The following ERBIN variants were observed in gnomAD, a reference collection of about 807,000 sequenced individuals.
ERBIN encodes densin-180-like protein.
In ERBIN, 60 loss-of-function variants were observed where a neutral mutation model predicts 158.4. The observed-to-expected ratio is 0.38, with a 90% CI of 0.31 to 0.47. ERBIN has a LOEUF of 0.47. ERBIN is among the 20% of genes least tolerant of loss of function. The pLI is 0.99. For synonymous variants in ERBIN, 594 were observed against 557.2 expected, an observed-to-expected ratio of 1.07 and a Z score of -0.93; for missense variants, 1,610 against 1,648.0, an observed-to-expected ratio of 0.98 and a Z score of 0.40.
chr5:65,997,138 C>T (rs1752525608), intron 4 of ERBIN, among the ~76,000 whole-genome samples: 1 of 152,084 alleles, frequency 6.6e-6, no homozygotes, highest in South Asian at 2.1e-4. Context: ...GACTTAAGTA[C>T]AACGTTGAAA....
In ERBIN at chr5:65,942,328, T is replaced by G. The variant is rs564340783; in HGVS notation, c.-58+15522T>G. On this transcript the variant is annotated intron_variant, in intron 1 of 25. Transcript: ENST00000284037. ...CTTATTATACCAGCATTTTCCTAGG[T>G]ATGTTCTGAAGAATACAGTTTCTTT... is the stretch of plus-strand genomic sequence containing the variant. Among the ~76,000 whole-genome samples the G allele has an allele frequency of 5.9e-5, 9 of 152,292 alleles. No homozygotes were observed. In the South Asian group the frequency reaches 1.7e-3, roughly 28 times the overall value.
chr5:65,943,716 ATATCT>A (rs900671771), intron 1 of ERBIN, among the ~76,000 whole-genome samples: 4 of 152,192 alleles, frequency 2.6e-5, no homozygotes, highest in African/African-American at 9.7e-5. Context: ...TACAAATAAA[ATATCT>A]TAACCATTTT....
intron 17 of ERBIN, among the ~76,000 whole-genome samples, chr5:66,045,357 A>G (rs904284080): frequency 2.0e-5 from 3 of 152,172 alleles, no homozygotes; most frequent in African/African-American, 7.2e-5. Flanking sequence ...TGTTCAGTAC[A>G]GTAACATGTT....
intron 1 of ERBIN, among the ~76,000 whole-genome samples, chr5:65,942,006 C>T (rs1413113609): frequency 6.6e-6 from 1 of 152,198 alleles, no homozygotes; most frequent in East Asian, 1.9e-4. Flanking sequence ...TTCCAAAGTG[C>T]TGGGATTACA....
intron 23 of ERBIN, 153 bp from the exon 24 acceptor site, chr5:66,076,163 T>C: frequency 4.9e-6 from 3 of 614,126 alleles, no homozygotes; most frequent in Non-Finnish European, 8.5e-6. Flanking sequence ...TATTCTATGT[T>C]GTATTTCACT....
rs188616893 is a variant in ERBIN at position 66,025,128 on chromosome 5, A to T, written c.818-352A>T. ...ACTACCTTCATACTACCATTTCTTT[A>T]GTCTATTAATTTAACAAGTTTGTAT... On this transcript the variant is annotated intron_variant, in intron 10 of 25. Transcript: ENST00000284037. Among the ~76,000 whole-genome samples, 414 of 152,160 alleles carry T rather than the reference A, an allele frequency of 2.7e-3. 3 individuals are homozygous for T. Among genetic ancestry groups the T allele is most frequent in the African/African-American group, 9.8e-3 (406 of 41,550 alleles).
chr5:66,063,208 G>A (rs1760622057), intron 21 of ERBIN, among the ~76,000 whole-genome samples: 2 of 152,236 alleles, frequency 1.3e-5, no homozygotes, highest in South Asian at 4.1e-4. Flanking sequence ...CTTCCCAGCT[G>A]CTTTGGTTAC....
chr5:66,062,057 G>T (rs1197083193), intron 21 of ERBIN, among the ~76,000 whole-genome samples: 1 of 151,892 alleles, frequency 6.6e-6, no homozygotes, highest in Admixed American at 6.6e-5. Flanking sequence ...TCTTTGTGGC[G>T]TTCTCTGTAT....
chr5:66,068,882 G>A, intron 21 of ERBIN: 1 of 1,532,020 alleles, frequency 6.5e-7, no homozygotes, highest in Non-Finnish European at 8.7e-7. Flanking sequence ...TTCAGAGCAT[G>A]CTGTCAAGGT....
At chr5:66,043,265 T>C in intron 16 of ERBIN, 67 bp downstream of exon 16, 1 of 1,471,850 alleles carries the variant, frequency 6.8e-7, no homozygotes, top group Non-Finnish European at 9.4e-7. Flanking sequence ...GTATTATATA[T>C]ACTATGATGT....
chr5:66,034,308 A>G (rs1477770575), intron 14 of ERBIN, among the ~76,000 whole-genome samples: 1 of 150,096 alleles, frequency 6.7e-6, no homozygotes, highest in African/African-American at 2.5e-5. Flanking sequence ...TTTTTTTTTT[A>G]AGACAGAGTC....
intron 2 of ERBIN, among the ~76,000 whole-genome samples, chr5:65,990,289 A>C (rs1490115714): frequency 6.6e-6 from 1 of 152,242 alleles, no homozygotes; most frequent in African/African-American, 2.4e-5. Flanking sequence ...ATAACAGCAC[A>C]TATCTTAGAA....
At chr5:65,970,607 A>G (rs1749142101) in intron 1 of ERBIN, among the ~76,000 whole-genome samples, 1 of 152,102 alleles carries the variant, frequency 6.6e-6, no homozygotes, top group Non-Finnish European at 1.5e-5. Flanking sequence ...ATTCTTTTTA[A>G]GACGTGCTCT....
intron 4 of ERBIN, among the ~76,000 whole-genome samples, chr5:66,001,392 C>G (rs1027722317): frequency 2.0e-5 from 3 of 152,062 alleles, no homozygotes; most frequent in African/African-American, 7.2e-5. Flanking sequence ...TATCATCAAG[C>G]TGTATTTCTT....
chr5:65,987,395 C>T (rs191287707), intron 1 of ERBIN, among the ~76,000 whole-genome samples: 3 of 151,282 alleles, frequency 2.0e-5, no homozygotes, highest in East Asian at 3.9e-4. Context: ...CACACACACA[C>T]GAAAAAAGAA....
At chr5:66,067,789 A>C (rs1761146134) in intron 21 of ERBIN, among the ~76,000 whole-genome samples, 1 of 152,132 alleles carries the variant, frequency 6.6e-6, no homozygotes, top group African/African-American at 2.4e-5. Flanking sequence ...AAGCCTGGGC[A>C]AGGTGGTGAG....
intron 21 of ERBIN, among the ~76,000 whole-genome samples, chr5:66,064,183 C>T (rs1580519390): frequency 6.6e-6 from 1 of 152,038 alleles, no homozygotes; most frequent in African/African-American, 2.4e-5. Context: ...TTTTGAAAAA[C>T]TTACAATTTT....
intron 1 of ERBIN, among the ~76,000 whole-genome samples, chr5:65,941,313 T>TAAAAAAAAAAAAAAAAAA (rs1217469941): frequency 1.7e-5 from 1 of 60,084 alleles, no homozygotes; most frequent in African/African-American, 4.2e-5. Context: ...GAATGATCAA[T>TAAAAAAAAAAAAAAAAAA]AAAAAAAAAA....
chr5:65,940,341 C>T (rs552238563), intron 1 of ERBIN, among the ~76,000 whole-genome samples: 2,847 of 143,614 alleles, frequency 0.02, 64 homozygotes, highest in African/African-American at 0.069. Context: ...TGAGGAGCCC[C>T]TCCGCCCGGC....
Sources: allele counts gnomAD v4.1 joint callset (sites outside exome capture counted in the v4.1 genomes callset), GRCh38; gene constraint gnomAD v4.1.1; transcripts MANE v1.5; gene names NCBI Gene and HGNC (gene_info 2026-07-23, HGNC 2026-07-21).